Variants in HDAC6 observed in about 807,000 individuals in gnomAD.
HDAC6 encodes the protein protein deacetylase HDAC6.
Under a neutral mutation model 88.9 loss-of-function variants are expected in HDAC6, and 5 were observed. The observed-to-expected ratio is 0.06, with a 90% CI of 0.03 to 0.12. The LOEUF (loss-of-function observed/expected upper bound fraction) is 0.12. HDAC6 is among the 10% of genes least tolerant of loss of function. HDAC6 has a pLI of 1.00. For missense variants in HDAC6, 706 were observed against 1,014.4 expected, an observed-to-expected ratio of 0.70 and a Z score of 4.13; for synonymous variants, 378 against 398.0, an observed-to-expected ratio of 0.95 and a Z score of 0.60.
At chrX:48,819,208 TG>T (rs2063039630) in intron 22 of HDAC6, among the ~76,000 whole-genome samples, 3 of 112,490 alleles carry the variant, frequency 2.7e-5, no homozygotes, top group Non-Finnish European at 5.6e-5. Context: ...TATGTGACTG[TG>T]CAGGATGGCT....
At chrX:48,801,750 A>G (rs910707636), upstream of HDAC6, 8 of 675,368 alleles carry the variant, frequency 1.2e-5, no homozygotes, top group Non-Finnish European at 1.6e-5. Flanking sequence ...AGCTCGCGAG[A>G]GGTGTGGCTC....
In HDAC6 at chrX:48,822,940, T is replaced by C; in HGVS notation, c.2541T>C (p.Ser847=). Residue 847 remains serine (S), a synonymous_variant, in exon 25 of 29, where the codon AGT becomes AGC. Transcript: ENST00000334136. ...MKVEDREGPS[S]SKLVTKKAPQ... is the part of the protein sequence containing the mutation. ...TAGAAGACAGAGAAGGACCCTCCAG[T>C]TCTAAGTTGGTCACCAAGAAGGCAC... 1.7e-6 allele frequency: 2 copies of C among 1,197,888 alleles called. No individual in the cohort carries two copies. Among genetic ancestry groups the C allele is most frequent in the East Asian group, 5.9e-5 (2 of 33,715 alleles).
Position 48,816,576 on chromosome X carries a change from T to C in HDAC6, c.1734T>C (p.Cys578=), listed in dbSNP as rs781991034. The C allele has an allele frequency of 8.3e-6, 10 of 1,209,400 alleles. No individual in the cohort carries two copies. The South Asian group carries it at 1.1e-4, about 13-fold the overall frequency. Residue 578 remains cysteine, a synonymous_variant, in exon 19 of 29, where the codon TGT becomes TGC. Transcript: ENST00000334136. Reference sequence around the variant, plus strand: ...ATATCTGCCCCAGTACCTTCGCCTGTGCACAGCTTGCCACTGGCGCTGCCT... The same window carrying C: ...ATATCTGCCCCAGTACCTTCGCCTGCGCACAGCTTGCCACTGGCGCTGCCT... ...SIYICPSTFA[C]AQLATGAACR... is the part of the protein sequence containing the mutation.
rs1404488215 is a variant in HDAC6 at position 48,806,553 on chromosome X, G to A, written c.535-56G>A. The A allele has an allele frequency of 1.0e-5, 11 of 1,077,595 alleles. No homozygotes were observed. The East Asian group carries it at 3.0e-4, about 30-fold the overall frequency. The allele number at this position is 1,077,595 out of a possible 1,213,427, so 88.8% of individuals were successfully genotyped here. On this transcript the variant is annotated intron_variant, in intron 7 of 28. Transcript: ENST00000334136. Reference sequence around the variant, plus strand: ...ACCCCACCCTGGGGGAAGCAGCTGAGTGGATAGGGCTGTTCTCTCCCTTAC... The same window carrying A: ...ACCCCACCCTGGGGGAAGCAGCTGAATGGATAGGGCTGTTCTCTCCCTTAC...
At chrX:48,819,592 A>G (rs1348862623) in intron 22 of HDAC6, 23 of 151,229 alleles carry the variant, frequency 1.5e-4, no homozygotes, top group Non-Finnish European at 2.6e-4. Flanking sequence ...CACCCAGGCT[A>G]GAGTGCAGTG....
chrX:48,821,154 C>T (rs926516758), intron 23 of HDAC6, among the ~76,000 whole-genome samples: 2 of 110,179 alleles, frequency 1.8e-5, no homozygotes, highest in Non-Finnish European at 3.8e-5. Context: ...TACTGTTATG[C>T]GTTGTTCAGA....
At position 48,802,910 on chromosome X, in the gene HDAC6, C is replaced by G. The variant is rs782539433; in HGVS notation, c.133C>G (p.Pro45Ala). The G allele has an allele frequency of 8.3e-7, 1 of 1,208,516 alleles. No homozygotes were observed. ...IKKGAVPRSIPNLAEVKKKGK... is the reference protein window; with the variant it reads ...IKKGAVPRSIANLAEVKKKGK... Reference sequence around the variant, plus strand: ...AAAGGGAGCCGTTCCCCGCTCTATCCCCAATCTAGCGGAGGTAAAGAAGAA... The same window carrying G: ...AAAGGGAGCCGTTCCCCGCTCTATCGCCAATCTAGCGGAGGTAAAGAAGAA... The change falls in exon 3 of 29, where the codon CCC becomes GCC. Residue 45 changes from proline to alanine, a missense_variant. Pro to Ala is a conservative substitution (Grantham distance 27). Coordinates refer to ENST00000334136, the MANE Select transcript of HDAC6 (RefSeq NM_006044.4).
At position 48,822,625 on chromosome X, in the gene HDAC6, C is replaced by T. The variant is rs1248575735; in HGVS notation, c.2343C>T (p.Gly781=). The change falls in exon 24 of 29, where the codon GGC becomes GGT. Residue 781 remains glycine, a synonymous_variant. Coordinates refer to ENST00000334136, the MANE Select transcript of HDAC6 (RefSeq NM_006044.4). ...TCCCCTTTTCCTTAACAAAGGGTGG[C>T]TATAACCTGACATCCATCTCAGAGT... ...SGRIILILEG[G]YNLTSISESM... is the part of the protein sequence containing the mutation. The T allele has an allele frequency of 2.5e-6, 3 of 1,178,560 alleles. No homozygotes were observed. Among genetic ancestry groups the T allele is most frequent in the Non-Finnish European group, 3.4e-6 (3 of 877,046 alleles).
chrX:48,806,318 C>T (rs1557024253), intron 6 of HDAC6, 50 bp from the exon 7 acceptor site: 1 of 821,938 alleles, frequency 1.2e-6, no homozygotes, highest in South Asian at 2.1e-5. Flanking sequence ...ATGGACAGCT[C>T]AGTTGGGGAA....
At chrX:48,806,032 G>A (rs969127272) in intron 6 of HDAC6, 4 of 361,973 alleles carry the variant, frequency 1.1e-5, no homozygotes, top group Non-Finnish European at 1.9e-5. Context: ...CTTGAGGAAA[G>A]CTAGCTTCCA....
rs1411986585 is a variant in HDAC6, at chrX:48,813,228, G to A, written c.807-1212G>A. ...CCAGCCCTCTGGTGATAATTTTTAT[G>A]TCCTACTGTGTTTCTCTTCCTCTAA... On this transcript the variant is annotated intron_variant, in intron 10 of 28. Transcript: ENST00000334136. 2.7e-5 allele frequency: 3 copies of A among 112,028 alleles called. No homozygotes were observed. In the Admixed American group the frequency reaches 2.8e-4, roughly 11 times the overall value. The allele number at this position is 112,028 out of a possible 1,213,427, so 9.2% of individuals were successfully genotyped here. A position where few individuals can be genotyped will look rare whatever the true frequency, so the allele number is the denominator to read the frequency against.
chrX:48,815,314 TC>T, intron 14 of HDAC6, 69 bp from the exon 15 acceptor site: 1 of 788,912 alleles, frequency 1.3e-6, no homozygotes, highest in South Asian at 2.2e-5. Flanking sequence ...TCTCTTATTA[TC>T]ATCATTATTA....
At chrX:48,822,170 AGTC>A (rs1247307362) in intron 23 of HDAC6, among the ~76,000 whole-genome samples, 8 of 111,657 alleles carry the variant, frequency 7.2e-5, no homozygotes, top group Non-Finnish European at 1.5e-4. Context: ...GGTTCACAGC[AGTC>A]GTCTTGTGCA....
intron 1 of HDAC6, 83 bp downstream of exon 1, chrX:48,802,225 T>G: frequency 1.2e-6 from 1 of 868,485 alleles, no homozygotes. Context: ...CGGGGCCGGC[T>G]GAGTGAAAGG....
intron 8 of HDAC6, among the ~76,000 whole-genome samples, chrX:48,807,152 T>G (rs1569502714): frequency 8.9e-6 from 1 of 112,378 alleles, no homozygotes; most frequent in African/African-American, 3.2e-5. Flanking sequence ...CTCCCCTGTT[T>G]TTAACCACAA....
Position 48,815,395 on chromosome X carries a change from C to T in HDAC6, c.1161C>T (p.Asn387=), listed in dbSNP as rs2147363264. The change falls in exon 15 of 29, where the codon AAC becomes AAT. Residue 387 remains asparagine, a synonymous_variant. Coordinates refer to ENST00000334136, the MANE Select transcript of HDAC6 (RefSeq NM_006044.4). ...KLILSLEGGY[N]LRALAEGVSA... is the part of the protein sequence containing the mutation. ...ACTCCTTGCCCCAGGGTGGCTACAA[C>T]CTCCGCGCCCTGGCTGAAGGCGTCA... The T allele has an allele frequency of 1.7e-6, 2 of 1,197,338 alleles. No individual in the cohort carries two copies. Among genetic ancestry groups the T allele is most frequent in the South Asian group, 3.6e-5 (2 of 55,162 alleles).
In HDAC6 at chrX:48,814,437, C is replaced by CA. The variant is rs782001291; in HGVS notation, c.807-2dup. The CA allele has an allele frequency of 7.0e-4, 845 of 1,209,591 alleles. No individual in the cohort carries two copies. The highest frequency in any genetic ancestry group is 1.1e-3 in the Admixed American group (52 of 45,822). ...CTCTTACCTCTTTTTCTTCTGCCCC[C>CA]AGTGTCCTCTATTTCTCCATCCACC... On this transcript the variant is annotated splice_polypyrimidine_tract_variant and splice_region_variant and intron_variant, in intron 10 of 28. Transcript: ENST00000334136.
In HDAC6 at chrX:48,823,442, G is replaced by T. The variant is rs2063116693; in HGVS notation, c.3043G>T (p.Gly1015Cys). 2.5e-6 allele frequency: 3 copies of T among 1,210,846 alleles called. No individual in the cohort carries two copies. Among genetic ancestry groups the T allele is most frequent in the Non-Finnish European group, 3.4e-6 (3 of 895,064 alleles). ...GACTACGTCAGAGGAGGCTCCAGGG[G>T]GCACCGAGCTGATCCAAACTCCTCT... ...DQTTSEEAPG[G>C]TELIQTPLAS... Residue 1015 changes from glycine (G) to cysteine (C), a missense_variant, in exon 25 of 29, where the codon GGC (glycine) becomes TGC (cysteine). Gly to Cys is a radical substitution (Grantham distance 159). This residue lies in a region of HDAC6 where 112 missense variants were observed against 95.1 expected (regional missense o/e 1.18). Coordinates refer to ENST00000334136, the MANE Select transcript of HDAC6 (RefSeq NM_006044.4).
rs782439377 is a variant in HDAC6, at chrX:48,814,860, T to A, written c.1026T>A (p.Ala342=). Reference sequence around the variant, plus strand: ...TCCAGCCTCAGCTGGTCCTGGTGGCTGCTGGATTTGATGCCCTGCAAGGGG... The same window carrying A: ...TCCAGCCTCAGCTGGTCCTGGTGGCAGCTGGATTTGATGCCCTGCAAGGGG... ...LEFQPQLVLV[A]AGFDALQGDP... The change falls in exon 13 of 29, where the codon GCT becomes GCA. Residue 342 remains alanine (A), a synonymous_variant. Coordinates refer to ENST00000334136, the MANE Select transcript of HDAC6 (RefSeq NM_006044.4). 1.7e-6 allele frequency: 2 copies of A among 1,211,881 alleles called. No individual in the cohort carries two copies. The highest frequency in any genetic ancestry group is 3.5e-5 in the South Asian group (2 of 57,012).
Sources: gnomAD v4.1 joint callset for allele counts (sites outside exome capture counted in the v4.1 genomes callset) on GRCh38, gnomAD v4.1.1 for gene constraint, gnomAD v4.1.1 regional missense constraint, MANE v1.5 for transcripts, NCBI Gene and HGNC (gene_info 2026-07-23, HGNC 2026-07-21) for gene names.